The following MED27 variants were observed in gnomAD, a reference collection of about 807,000 sequenced individuals.
The protein encoded by MED27 is mediator of RNA polymerase II transcription subunit 27.
In MED27, 30 loss-of-function variants were observed where a neutral mutation model predicts 38.2. The observed-to-expected ratio is 0.79, with a 90% CI of 0.59 to 1.07. The LOEUF (loss-of-function observed/expected upper bound fraction) is 1.07. MED27 is among the 50% of genes least tolerant of loss of function. MED27 has a pLI of 0.00. For synonymous variants in MED27, 122 were observed against 153.5 expected (o/e 0.79, Z 1.52); for missense variants, 289 against 397.5 (o/e 0.73, Z 2.32).
chr9:131,874,935 AAC>A (rs1253571904), intron 6 of MED27, among the ~76,000 whole-genome samples: 1 of 152,174 alleles, frequency 6.6e-6, no homozygotes, highest in African/African-American at 2.4e-5. Context: ...CTCCCAGGAA[AAC>A]ACAGACAATA....
intron 2 of MED27, among the ~76,000 whole-genome samples, chr9:132,041,340 C>A (rs1418014593): frequency 6.6e-6 from 1 of 152,210 alleles, no homozygotes. Context: ...TGCATATTTT[C>A]ATGGCTCACA....
chr9:131,909,164 CTT>C (rs1280974927), intron 4 of MED27, among the ~76,000 whole-genome samples: 1 of 152,114 alleles, frequency 6.6e-6, no homozygotes, highest in Non-Finnish European at 1.5e-5. Context: ...CAGGTAATGA[CTT>C]TGCTATTTAT....
intron 2 of MED27, chr9:132,073,317 A>G: frequency 1.0e-6 from 1 of 987,096 alleles, no homozygotes; most frequent in Non-Finnish European, 1.2e-6. Context: ...CAAGCAAACC[A>G]CGAAAGGGGT....
intron 2 of MED27, chr9:132,032,307 G>A (rs1038296887): frequency 6.6e-6 from 1 of 151,924 alleles, no homozygotes; most frequent in African/African-American, 2.4e-5. Context: ...TTCTTATTTG[G>A]TGTTTACCGA....
At chr9:131,920,842 A>C (rs997301775) in intron 4 of MED27, among the ~76,000 whole-genome samples, 1 of 152,086 alleles carries the variant, frequency 6.6e-6, no homozygotes, top group Non-Finnish European at 1.5e-5. Context: ...ACAGGCTTTC[A>C]CTGGAGGGAG....
intron 6 of MED27, among the ~76,000 whole-genome samples, chr9:131,876,260 C>A (rs183835312): frequency 2.0e-4 from 31 of 152,338 alleles, no homozygotes; most frequent in South Asian, 1.9e-3. Flanking sequence ...ACAAGCTATA[C>A]AGATGACAGA....
Position 131,883,064 on chromosome 9 carries a change from T to C in MED27, c.723+994A>G, listed in dbSNP as rs1300615054. Among the ~76,000 whole-genome samples, 4 of 152,168 alleles carry C rather than the reference T, an allele frequency of 2.6e-5. No individual in the cohort carries two copies. In the East Asian group the frequency reaches 7.7e-4, roughly 29 times the overall value. ...CTAGGATTATAGGCGCCCGCCACCA[T>C]GCCCGGCTAATTTTATATTTTTAGT... On this transcript the variant is annotated intron_variant, in intron 6 of 7. Coordinates refer to ENST00000292035, the MANE Select transcript of MED27 (RefSeq NM_004269.4). This position sits in a 1 kb window ranked among gnomAD's most constrained non-coding sequence, Gnocchi z 4.2.
In MED27 at chr9:132,077,741, TA is replaced by T. The variant is rs58871054; in HGVS notation, c.204-156del. 4.7e-3 allele frequency among the ~76,000 whole-genome samples: 681 copies of T among 145,380 alleles called. 15 individuals carry two copies. Among genetic ancestry groups the T allele is most frequent in the East Asian group, 0.042 (212 of 5,042 alleles). ...AAGGTTAAAAAATACTTGGGACACT[TA>T]AAAAAAAAAACCCTAAATGAGAGTT... is the stretch of plus-strand genomic sequence containing the variant. On this transcript the variant is annotated intron_variant, in intron 1 of 7. Coordinates refer to ENST00000292035, the MANE Select transcript of MED27 (RefSeq NM_004269.4).
intron 2 of MED27, among the ~76,000 whole-genome samples, chr9:132,064,534 G>A (rs1833768765): frequency 6.6e-6 from 1 of 152,218 alleles, no homozygotes. Flanking sequence ...GGCCACAAAT[G>A]TAAGATATAT....
chr9:132,075,764 A>G (rs1407610778), intron 2 of MED27, among the ~76,000 whole-genome samples: 1 of 152,178 alleles, frequency 6.6e-6, no homozygotes, highest in African/African-American at 2.4e-5. Flanking sequence ...AACTTTACCC[A>G]TGGAATACAT....
chr9:132,028,988 C>T (rs1453777275), intron 2 of MED27, among the ~76,000 whole-genome samples: 1 of 152,170 alleles, frequency 6.6e-6, no homozygotes, highest in Non-Finnish European at 1.5e-5. Context: ...GACCTGGAAG[C>T]CATCAGAGAT....
intron 6 of MED27, chr9:131,868,948 G>A (rs1838781640): frequency 1.0e-6 from 1 of 985,360 alleles, no homozygotes; most frequent in Non-Finnish European, 1.2e-6. Context: ...ATGCGCCACA[G>A]CCCTGCTGGG....
At chr9:131,926,780 A>C (rs118100055) in intron 4 of MED27, among the ~76,000 whole-genome samples, 1,995 of 152,332 alleles carry the variant, frequency 0.013, 18 homozygotes, top group Middle Eastern at 0.037. Flanking sequence ...CAGGGTATGA[A>C]TATGTTATGG....
chr9:131,884,070 T>A lies in MED27; in HGVS notation c.711A>T (p.Gln237His). 6.2e-7 allele frequency: 1 copy of A among 1,612,376 alleles called. No homozygotes were observed. Among genetic ancestry groups the A allele is most frequent in the African/African-American group, 1.3e-5 (1 of 75,006 alleles). ...AAGTAAAACTTACCTTCTGGAATAC[T>A]TGATAGTTGGATTTGGACCATATAT... ...KLDIWSKSNY[Q>H]VFQKVTDHAT... Residue 237 changes from glutamine (Q) to histidine (H), a missense_variant, in exon 6 of 8, where the codon CAA becomes CAT. Transcript: ENST00000292035.
chr9:132,074,716 T>C (rs918069539), intron 2 of MED27, among the ~76,000 whole-genome samples: 3 of 152,270 alleles, frequency 2.0e-5, no homozygotes, highest in African/African-American at 7.2e-5. Context: ...TAAAGAAATG[T>C]ATATAGACAT....
rs66880335 is a variant in MED27, at chr9:131,861,767, C to CTTTTTTT, written c.802-1102_802-1096dup. On this transcript the variant is annotated intron_variant, in intron 7 of 7. Transcript: ENST00000292035. The surrounding 1 kb of genome is among the most constrained non-coding windows in gnomAD (Gnocchi z 4.4). ...AGTGCTGTGACAGATGTAAATGGTT[C>CTTTTTTT]TTTTTTTTTTTTTTTTTTTTTATGA... Among the ~76,000 whole-genome samples, 1 of 145,170 alleles carries CTTTTTTT rather than the reference C, an allele frequency of 6.9e-6. No individual in the cohort carries two copies.
At chr9:131,964,165 T>C (rs949581020) in intron 3 of MED27, among the ~76,000 whole-genome samples, 17 of 151,820 alleles carry the variant, frequency 1.1e-4, no homozygotes, top group African/African-American at 3.9e-4. Context: ...AAAATGAAGA[T>C]TGTAGTTGCA....
intron 2 of MED27, among the ~76,000 whole-genome samples, chr9:132,071,510 C>G (rs550259943): frequency 6.6e-6 from 1 of 151,454 alleles, no homozygotes; most frequent in African/African-American, 2.4e-5. Context: ...AACACTCACT[C>G]CATGAGCACA....
At chr9:132,070,850 A>C (rs1350239607) in intron 2 of MED27, among the ~76,000 whole-genome samples, 2 of 151,252 alleles carry the variant, frequency 1.3e-5, no homozygotes, top group Non-Finnish European at 2.9e-5. Context: ...TCTGTGAGGA[A>C]AGAACTGCCC....
Sources: gnomAD v4.1 joint callset for allele counts (sites outside exome capture counted in the v4.1 genomes callset) on GRCh38, gnomAD v4.1.1 for gene constraint, Gnocchi (gnomAD v3.1) non-coding constraint, MANE v1.5 for transcripts, NCBI Gene and HGNC (gene_info 2026-07-23, HGNC 2026-07-21) for gene names.